Variants in SLC44A5 observed in about 807,000 individuals in gnomAD.
The protein encoded by SLC44A5 is solute carrier family 44 member 5.
Under a neutral mutation model 101.8 loss-of-function variants are expected in SLC44A5, and 57 were observed. The observed-to-expected ratio is 0.56, with a 90% CI of 0.45 to 0.70. The LOEUF is 0.70. Among genes scored for constraint, SLC44A5 ranks in the 30% least tolerant of loss-of-function variants. The pLI, the probability that SLC44A5 is intolerant of heterozygous loss-of-function variation, is 0.00. For synonymous variants in SLC44A5, 281 were observed against 290.9 expected (o/e 0.97, Z 0.35); for missense variants, 737 against 853.1 (o/e 0.86, Z 1.70).
chr1:75,511,076 G>C (rs1447634923), intron 2 of SLC44A5, among the ~76,000 whole-genome samples: 1 of 152,182 alleles, frequency 6.6e-6, no homozygotes, highest in East Asian at 1.9e-4. Context: ...CTGGGAGGCG[G>C]AGCTTGCAGC....
At chr1:75,474,347 C>T (rs1667272431) in intron 2 of SLC44A5, among the ~76,000 whole-genome samples, 1 of 152,132 alleles carries the variant, frequency 6.6e-6, no homozygotes, top group Non-Finnish European at 1.5e-5. Context: ...CATACTAAAG[C>T]TAAATTAAAC....
At chr1:75,682,244 G>GA in the SLC44A5 span, among the ~76,000 whole-genome samples, 7 of 152,090 alleles carry the variant, frequency 4.6e-5, no homozygotes, top group East Asian at 1.2e-3. Flanking sequence ...CACAGAATTG[G>GA]AAAAAACTAC....
intron 2 of SLC44A5, among the ~76,000 whole-genome samples, chr1:75,431,604 T>C (rs996928847): frequency 1.3e-5 from 2 of 152,240 alleles, no homozygotes; most frequent in African/African-American, 4.8e-5. Flanking sequence ...AATAGTCTAG[T>C]GGCGAGGAGG....
chr1:75,372,499 C>T (rs997253419), intron 3 of SLC44A5, among the ~76,000 whole-genome samples: 1 of 150,774 alleles, frequency 6.6e-6, no homozygotes, highest in South Asian at 2.1e-4. Context: ...ATCATCATGA[C>T]AAAATAAAAC....
rs144211033 is a variant in SLC44A5, at chr1:75,222,381, G to T, written c.1065C>A (p.Ile355=). The stretch of plus-strand genomic sequence containing the variant: ...CTTACTTGCTTCCTTCCTTCAGCAG[G>T]ATAATGGCGACTCGGATTCGATTCC... ...FLRNRIRVAI[I]LLKEGSKAIG... Residue 355 remains isoleucine, a synonymous_variant, in exon 14 of 24, where the codon ATC becomes ATA. Coordinates refer to ENST00000370859, the MANE Select transcript of SLC44A5 (RefSeq NM_001130058.2). The T allele has an allele frequency of 1.9e-6, 3 of 1,613,416 alleles. No individual in the cohort carries two copies. In the African/African-American group the frequency reaches 4.0e-5, roughly 22 times the overall value.
At chr1:75,525,393 A>G (rs980021408) in intron 2 of SLC44A5, among the ~76,000 whole-genome samples, 8 of 152,330 alleles carry the variant, frequency 5.3e-5, no homozygotes, top group African/African-American at 1.9e-4. Context: ...ATTTAAATCT[A>G]ATTAAGCCAT....
intron 2 of SLC44A5, among the ~76,000 whole-genome samples, chr1:75,434,441 A>C (rs1664777573): frequency 6.6e-6 from 1 of 152,116 alleles, no homozygotes; most frequent in African/African-American, 2.4e-5. Context: ...AAGTTCTCTG[A>C]GAGTAGAAAT....
chr1:75,637,424 T>C, the SLC44A5 span, among the ~76,000 whole-genome samples: 4 of 151,856 alleles, frequency 2.6e-5, no homozygotes, highest in African/African-American at 7.3e-5. Context: ...AGGACAAAAA[T>C]TGCACTTACA....
At chr1:75,370,003 TTA>T (rs1404985026) in intron 3 of SLC44A5, among the ~76,000 whole-genome samples, 1 of 152,230 alleles carries the variant, frequency 6.6e-6, no homozygotes, top group Non-Finnish European at 1.5e-5. Flanking sequence ...TACCATTCAT[TTA>T]TGTTTGAAAA....
chr1:75,501,024 C>T (rs140050391), intron 2 of SLC44A5, among the ~76,000 whole-genome samples: 5 of 152,274 alleles, frequency 3.3e-5, no homozygotes, highest in South Asian at 2.1e-4. Context: ...CAAAGTCACG[C>T]ATTTAATAAA....
chr1:75,606,814 T>C (rs1675351540), intron 1 of SLC44A5, among the ~76,000 whole-genome samples: 1 of 152,056 alleles, frequency 6.6e-6, no homozygotes, highest in Admixed American at 6.6e-5. Context: ...ATTTTCCTCC[T>C]TGATACACTT....
chr1:75,277,005 T>C (rs986635092), intron 5 of SLC44A5, among the ~76,000 whole-genome samples: 3 of 152,184 alleles, frequency 2.0e-5, no homozygotes, highest in Non-Finnish European at 2.9e-5. Flanking sequence ...GCTATTGTTT[T>C]CTTTCCCTCT....
At chr1:75,683,051 A>G in the SLC44A5 span, among the ~76,000 whole-genome samples, 2 of 152,090 alleles carry the variant, frequency 1.3e-5, no homozygotes, top group East Asian at 1.9e-4. Flanking sequence ...CAAAACCACA[A>G]TGAGATACCA....
chr1:75,298,732 C>A (rs1654190491), intron 5 of SLC44A5, among the ~76,000 whole-genome samples: 1 of 151,936 alleles, frequency 6.6e-6, no homozygotes, highest in Non-Finnish European at 1.5e-5. Flanking sequence ...TTTAATAGAC[C>A]AAATTATGGG....
the SLC44A5 span, among the ~76,000 whole-genome samples, chr1:75,705,720 C>A: frequency 6.6e-6 from 1 of 152,110 alleles, no homozygotes; most frequent in Non-Finnish European, 1.5e-5. Context: ...CTCTGTTGCC[C>A]AGACTGGAAT....
At chr1:75,324,596 A>T (rs1490270673) in intron 4 of SLC44A5, among the ~76,000 whole-genome samples, 1 of 152,194 alleles carries the variant, frequency 6.6e-6, no homozygotes, top group Non-Finnish European at 1.5e-5. Flanking sequence ...GTACATCATG[A>T]GGTAGGTTCA....
At chr1:75,664,812 T>A in the SLC44A5 span, among the ~76,000 whole-genome samples, 22 of 151,374 alleles carry the variant, frequency 1.5e-4, no homozygotes, top group South Asian at 4.2e-4. Flanking sequence ...TCCCAGCTAC[T>A]CAGGAGGCTG....
chr1:75,291,969 G>T (rs1202270158), intron 5 of SLC44A5, among the ~76,000 whole-genome samples: 1 of 148,082 alleles, frequency 6.8e-6, no homozygotes, highest in Non-Finnish European at 1.5e-5. Flanking sequence ...CCGAGATCGC[G>T]CCACTGCACT....
At chr1:75,303,886 A>G (rs1654700124) in intron 4 of SLC44A5, among the ~76,000 whole-genome samples, 1 of 152,170 alleles carries the variant, frequency 6.6e-6, no homozygotes, top group Non-Finnish European at 1.5e-5. Flanking sequence ...GCACACCAAC[A>G]TGGCGCATGT....
Sources: allele counts gnomAD v4.1 joint callset (sites outside exome capture counted in the v4.1 genomes callset), GRCh38; gene constraint gnomAD v4.1.1; transcripts MANE v1.5; gene names NCBI Gene and HGNC (gene_info 2026-07-23, HGNC 2026-07-21).